Variants in WWOX observed in about 807,000 individuals in gnomAD.
WWOX encodes WW domain-containing oxidoreductase.
WWOX carries 69 observed loss-of-function variants against 46.2 expected under a neutral mutation model. The ratio of observed to expected loss-of-function variants is 1.49; its 90% confidence interval spans 1.23 to 1.82. WWOX has a LOEUF of 1.82. Ranked by LOEUF, WWOX falls within the 40% of genes most tolerant of loss-of-function variation. The pLI is 0.00. For synonymous variants in WWOX, 359 were observed against 202.6 expected, an observed-to-expected ratio of 1.77 and a Z score of -6.56; for missense variants, 919 against 542.6, an observed-to-expected ratio of 1.69 and a Z score of -6.89.
chr16:78,471,207 G>A (rs2084212581), intron 8 of WWOX, among the ~76,000 whole-genome samples: 1 of 152,136 alleles, frequency 6.6e-6, no homozygotes, highest in Non-Finnish European at 1.5e-5. Context: ...AAGACAATCA[G>A]GCGTGATTCT....
rs76351909 is a variant in WWOX, at chr16:78,795,127, A to G, written c.1056+362375A>G. ...GGTGGTGGAGGAGGTGATGGTGATG[A>G]TATTGATAATGACAGCAAGAATGTC... is the stretch of plus-strand genomic sequence containing the variant. On this transcript the variant is annotated intron_variant, in intron 8 of 8. Transcript: ENST00000566780. 1.3e-4 allele frequency among the ~76,000 whole-genome samples: 20 copies of G among 152,238 alleles called. No homozygotes were observed. In the East Asian group the frequency reaches 3.9e-3, roughly 29 times the overall value.
intron 8 of WWOX, among the ~76,000 whole-genome samples, chr16:78,452,655 T>C (rs2083720970): frequency 6.6e-6 from 1 of 151,724 alleles, no homozygotes; most frequent in Non-Finnish European, 1.5e-5. Flanking sequence ...ATTATGTTTT[T>C]AATAGAGACT....
At chr16:78,889,707 T>C (rs137989874) in intron 8 of WWOX, among the ~76,000 whole-genome samples, 162 of 152,222 alleles carry the variant, frequency 1.1e-3, no homozygotes, top group Non-Finnish European at 2.4e-4. Context: ...CAGGTGACAA[T>C]TTCTGCAGGT....
At chr16:78,321,305 T>C (rs1342847952) in intron 5 of WWOX, among the ~76,000 whole-genome samples, 2 of 84,788 alleles carry the variant, frequency 2.4e-5, no homozygotes, top group African/African-American at 4.1e-5. Flanking sequence ...TATATATACG[T>C]ATATATATGC....
chr16:79,211,611 C>G lies in WWOX; in HGVS notation c.1060C>G (p.Gln354Glu). The G allele has an allele frequency of 6.2e-7, 1 of 1,614,184 alleles. No homozygotes were observed. The highest frequency in any genetic ancestry group is 2.2e-5 in the East Asian group (1 of 44,870). ...LARPFTKSMQ[Q>E]GAATTVYCAA... Reference sequence around the variant, plus strand: ...GTCTTTCTTCTTGGATTTCCAGCAACAGGGAGCTGCCACCACCGTGTACTG... The same window carrying G: ...GTCTTTCTTCTTGGATTTCCAGCAAGAGGGAGCTGCCACCACCGTGTACTG... Residue 354 changes from glutamine to glutamate, a missense_variant, in exon 9 of 9, where the codon CAG (glutamine) becomes GAG (glutamate). By Grantham distance (29) the Gln-to-Glu change is conservative. Transcript: ENST00000566780.
chr16:78,761,805 C>G (rs115286610), intron 8 of WWOX, among the ~76,000 whole-genome samples: 4,262 of 152,186 alleles, frequency 0.028, 187 homozygotes, highest in African/African-American at 0.096. Flanking sequence ...TGTCAACACA[C>G]TTAGGAGAGA....
chr16:78,768,279 T>TTAAAAAAAAA (rs1309673439), intron 8 of WWOX, among the ~76,000 whole-genome samples: 1 of 91,958 alleles, frequency 1.1e-5, no homozygotes, highest in Admixed American at 1.4e-4. Context: ...ATAGATGAGT[T>TTAAAAAAAAA]AAAAAAAAAA....
intron 8 of WWOX, among the ~76,000 whole-genome samples, chr16:79,044,539 C>T (rs891118495): frequency 1.1e-4 from 17 of 152,344 alleles, no homozygotes; most frequent in African/African-American, 3.4e-4. Flanking sequence ...GCTCCGCCTT[C>T]TCCTTCTGCC....
intron 8 of WWOX, among the ~76,000 whole-genome samples, chr16:79,065,022 C>T (rs1211722679): frequency 6.6e-6 from 1 of 152,044 alleles, no homozygotes; most frequent in African/African-American, 2.4e-5. Flanking sequence ...GGGAGTTCGT[C>T]GGTTGTTTAG....
At chr16:78,287,932 CTCTT>C (rs371767551) in intron 5 of WWOX, among the ~76,000 whole-genome samples, 1 of 152,320 alleles carries the variant, frequency 6.6e-6, no homozygotes. Context: ...CTGAAACTCT[CTCTT>C]TCCCTTTTAT....
chr16:78,370,130 C>CA (rs749015478), intron 5 of WWOX, among the ~76,000 whole-genome samples: 9,447 of 76,020 alleles, frequency 0.12, 1,001 homozygotes, highest in African/African-American at 0.24. Flanking sequence ...AGACTGTCTC[C>CA]AAAAAAAAAA....
At chr16:79,193,930 G>A (rs960864611) in intron 8 of WWOX, among the ~76,000 whole-genome samples, 1 of 152,198 alleles carries the variant, frequency 6.6e-6, no homozygotes, top group African/African-American at 2.4e-5. Flanking sequence ...GTCACAGGAC[G>A]TGAGTTTGGA....
In WWOX at chr16:78,454,338, A is replaced by G. The variant is rs373665014; in HGVS notation, c.1056+21586A>G. Among the ~76,000 whole-genome samples, 10 of 132,112 alleles carry G rather than the reference A, an allele frequency of 7.6e-5. No homozygotes were observed. In the South Asian group the frequency reaches 2.7e-3, roughly 36 times the overall value. 86.7% of individuals were successfully genotyped at this position (132,112 alleles called of 152,430 possible). ...AGTTTTTTCTGTTAAAACCCAATAC[A>G]TTTATACTTATGTATATTCGTGTGT... On this transcript the variant is annotated intron_variant, in intron 8 of 8. Coordinates refer to ENST00000566780, the MANE Select transcript of WWOX (RefSeq NM_016373.4).
At chr16:78,884,485 C>T (rs1439245705) in intron 8 of WWOX, among the ~76,000 whole-genome samples, 3 of 151,906 alleles carry the variant, frequency 2.0e-5, no homozygotes, top group Non-Finnish European at 4.4e-5. Context: ...TGTAATAAAT[C>T]CACACAAGAG....
chr16:78,685,792 T>C (rs148587111), intron 8 of WWOX, among the ~76,000 whole-genome samples: 1 of 152,110 alleles, frequency 6.6e-6, no homozygotes, highest in Non-Finnish European at 1.5e-5. Context: ...ATGTGTGGTG[T>C]ATCTGTAATC....
intron 8 of WWOX, among the ~76,000 whole-genome samples, chr16:78,604,059 G>A (rs575573721): frequency 2.6e-5 from 4 of 152,230 alleles, no homozygotes; most frequent in East Asian, 3.9e-4. Context: ...CGGTAGGATC[G>A]CTTGAGCCCG....
chr16:78,249,317 A>G (rs1194224880), intron 5 of WWOX, among the ~76,000 whole-genome samples: 1 of 151,956 alleles, frequency 6.6e-6, no homozygotes, highest in Non-Finnish European at 1.5e-5. Context: ...TCGCTGATGC[A>G]CTCTCATTCC....
chr16:79,115,746 G>C (rs187364215), intron 8 of WWOX, among the ~76,000 whole-genome samples: 1 of 152,284 alleles, frequency 6.6e-6, no homozygotes, highest in South Asian at 2.1e-4. Context: ...TGACCTGCGT[G>C]TAGAAGTTTC....
chr16:78,800,628 C>T (rs1236281621), intron 8 of WWOX, among the ~76,000 whole-genome samples: 1 of 152,190 alleles, frequency 6.6e-6, no homozygotes, highest in African/African-American at 2.4e-5. Flanking sequence ...CTTGCAGTGG[C>T]AGCTGACGGC....
Sources: allele counts gnomAD v4.1 joint callset (sites outside exome capture counted in the v4.1 genomes callset), GRCh38; gene constraint gnomAD v4.1.1; transcripts MANE v1.5; gene names NCBI Gene and HGNC (gene_info 2026-07-23, HGNC 2026-07-21).